C11orf65: variants seen among roughly 807,000 people sequenced by gnomAD.
C11orf65 encodes the protein protein MFI.
In C11orf65, 38 loss-of-function variants were observed where a neutral mutation model predicts 35.3. The ratio of observed to expected loss-of-function variants is 1.08; its 90% confidence interval spans 0.83 to 1.41. The LOEUF (loss-of-function observed/expected upper bound fraction) is 1.41, where lower values mean the gene tolerates loss of function less well. Among genes scored for constraint, C11orf65 ranks in the 40% most tolerant of loss-of-function variants. The pLI is 0.00. For missense variants in C11orf65, 370 were observed against 367.1 expected (o/e 1.01, Z -0.06); for synonymous variants, 105 against 114.4 (o/e 0.92, Z 0.53).
intron 3 of C11orf65, among the ~76,000 whole-genome samples, chr11:108,420,280 T>C (rs1402442907): frequency 6.6e-6 from 1 of 152,170 alleles, no homozygotes; most frequent in African/African-American, 2.4e-5. Flanking sequence ...CAAAAGAAGA[T>C]GCTTATATGA....
At chr11:108,393,600 A>G (rs952899050) in intron 6 of C11orf65, among the ~76,000 whole-genome samples, 18 of 152,180 alleles carry the variant, frequency 1.2e-4, no homozygotes, top group African/African-American at 3.9e-4. Flanking sequence ...TCACCCCTCA[A>G]TAAGTTGCAT....
Position 108,345,685 on chromosome 11 carries a change from ATAT to A in C11orf65, c.227-10396_227-10394del, listed in dbSNP as rs2088249238. ...GTCATATTTTTATATAAAAATGTGT[ATAT>A]TAGTTTAATTGAACACAATATTGAA... On this transcript the variant is annotated intron_variant, in intron 2 of 3. Transcript: ENST00000524755. The A allele has an allele frequency of 6.9e-6, 9 of 1,308,018 alleles. No homozygotes were observed. In the East Asian group the frequency reaches 2.3e-4, roughly 33 times the overall value. The allele number at this position is 1,308,018 out of a possible 1,614,324, so 81.0% of individuals were successfully genotyped here.
intron 3 of C11orf65, among the ~76,000 whole-genome samples, chr11:108,426,934 G>T (rs1425191547): frequency 6.6e-6 from 1 of 152,070 alleles, no homozygotes; most frequent in Admixed American, 6.6e-5. Flanking sequence ...CAAGCAATGG[G>T]GAAAAGATTT....
chr11:108,412,246 C>A (rs901505592), intron 3 of C11orf65, among the ~76,000 whole-genome samples: 2 of 151,168 alleles, frequency 1.3e-5, no homozygotes, highest in Non-Finnish European at 2.9e-5. Flanking sequence ...GTAAAACATA[C>A]ACATGAAATC....
chr11:108,393,153 A>G (rs2092208316), intron 7 of C11orf65, 55 bp downstream of exon 7: 1 of 1,506,536 alleles, frequency 6.6e-7, no homozygotes, highest in African/African-American at 1.4e-5. Flanking sequence ...AGGAAATGTT[A>G]GAAAAAAACT....
intron 2 of C11orf65, among the ~76,000 whole-genome samples, chr11:108,357,493 G>C (rs1427130995): frequency 6.6e-6 from 1 of 152,202 alleles, no homozygotes; most frequent in East Asian, 1.9e-4. Context: ...CTGGGGGCAG[G>C]GCACAGACAA....
intron 6 of C11orf65, among the ~76,000 whole-genome samples, chr11:108,324,088 C>G (rs547901616): frequency 6.6e-6 from 1 of 152,122 alleles, no homozygotes; most frequent in Admixed American, 6.5e-5. Context: ...GGGTATAACA[C>G]TTATTTACAT....
At chr11:108,327,531 T>TC (rs982329860), downstream of C11orf65, 8 of 807,534 alleles carry the variant, frequency 9.9e-6, no homozygotes, top group African/African-American at 6.9e-5. Flanking sequence ...ACTTTTTTTT[T>TC]CCCACCCACC....
In C11orf65 at chr11:108,405,456, A is replaced by C. The variant is rs1171802515; in HGVS notation, c.533T>G (p.Leu178Arg). ...RRQDLEKKRK[L>R]RKIEWMRQMY... ...TTGCCTCATCCACTCTATTTTTCTA[A>C]GTTTTCTTTTCTTTTCCAAATCTTG... The change falls in exon 6 of 9, where the codon CTT becomes CGT. Residue 178 changes from leucine (L) to arginine (R), a missense_variant. Coordinates refer to ENST00000393084, the MANE Select transcript of C11orf65 (RefSeq NM_152587.5). The C allele has an allele frequency of 1.9e-6, 3 of 1,612,468 alleles. No homozygotes were observed. The African/African-American group carries it at 4.0e-5, about 22-fold the overall frequency.
In C11orf65 at chr11:108,310,222, C is replaced by T. The variant is rs730881394; in HGVS notation, c.641-1151G>A. 8 of 1,613,392 alleles carry T rather than the reference C, an allele frequency of 5.0e-6. No homozygotes were observed. The highest frequency in any genetic ancestry group is 5.9e-6 in the Non-Finnish European group (7 of 1,179,724). Reference sequence around the variant, plus strand: ...CTGGATTTAAATTATCTAGAAGTTGCCAAGGTAGCTCAGTCTTGTGCTGCT... The same window carrying T: ...CTGGATTTAAATTATCTAGAAGTTGTCAAGGTAGCTCAGTCTTGTGCTGCT... On this transcript the variant is annotated intron_variant, in intron 6 of 6. Coordinates refer to the C11orf65 transcript ENST00000525729.
At chr11:108,407,215 TCTCA>T (rs2092558127) in intron 3 of C11orf65, 66 bp from the exon 4 acceptor site, 16 of 1,139,318 alleles carry the variant, frequency 1.4e-5, no homozygotes, top group Non-Finnish European at 1.9e-5. Flanking sequence ...ATTCACTATT[TCTCA>T]CTCTATTATT....
intron 2 of C11orf65, among the ~76,000 whole-genome samples, chr11:108,358,694 T>A (rs1202076051): frequency 6.7e-6 from 1 of 149,742 alleles, no homozygotes; most frequent in Non-Finnish European, 1.5e-5. Context: ...CCAGCCAAAC[T>A]AAGCTTCATC....
chr11:108,313,516 A>C (rs1315367073), intron 6 of C11orf65, among the ~76,000 whole-genome samples: 1 of 152,016 alleles, frequency 6.6e-6, no homozygotes, highest in Non-Finnish European at 1.5e-5. Flanking sequence ...CTTTTCCTTA[A>C]TGTTTTATTA....
At chr11:108,384,983 T>A (rs140121471) in intron 8 of C11orf65, among the ~76,000 whole-genome samples, 39 of 152,332 alleles carry the variant, frequency 2.6e-4, no homozygotes, top group African/African-American at 8.7e-4. Context: ...TGCTAACTAC[T>A]GGCAGAACAA....
chr11:108,368,350 A>G (rs186644530), intron 2 of C11orf65: 145 of 215,110 alleles, frequency 6.7e-4, no homozygotes, highest in South Asian at 1.5e-3. Flanking sequence ...CTAAGATAGA[A>G]AACTGCCAAG....
At chr11:108,325,918 A>AC in intron 6 of C11orf65, 1 of 1,028,198 alleles carries the variant, frequency 9.7e-7, no homozygotes, top group East Asian at 2.6e-5. Flanking sequence ...TGTCATGCAG[A>AC]CAGAGAGGTC....
chr11:108,370,323 A>G (rs2091522704), intron 2 of C11orf65, among the ~76,000 whole-genome samples: 1 of 152,050 alleles, frequency 6.6e-6, no homozygotes, highest in African/African-American at 2.4e-5. Flanking sequence ...TTCTAGAAAT[A>G]TATCTGGATT....
At chr11:108,398,559 T>C (rs1316880085) in intron 6 of C11orf65, among the ~76,000 whole-genome samples, 1 of 152,318 alleles carries the variant, frequency 6.6e-6, no homozygotes, top group East Asian at 1.9e-4. Context: ...TGAGGGTAAA[T>C]AAACACAGGA....
At chr11:108,329,257 G>A, downstream of C11orf65, 5 of 1,593,128 alleles carry the variant, frequency 3.1e-6, no homozygotes, top group Non-Finnish European at 4.3e-6. Flanking sequence ...GTTTCTACAA[G>A]TGACAATTTT....
Sources: gnomAD v4.1 joint callset for allele counts (sites outside exome capture counted in the v4.1 genomes callset) on GRCh38, gnomAD v4.1.1 for gene constraint, MANE v1.5 for transcripts, NCBI Gene and HGNC (gene_info 2026-07-23, HGNC 2026-07-21) for gene names.